Variants in LPAR1 observed in about 807,000 individuals in gnomAD.
LPAR1 encodes the protein LPA receptor 1.
A neutral mutation model predicts 23.8 loss-of-function variants in LPAR1; 5 were observed. The ratio of observed to expected loss-of-function variants is 0.21; its 90% CI spans 0.11 to 0.44. The LOEUF (loss-of-function observed/expected upper bound fraction) is 0.44. LPAR1 is among the 20% of genes least tolerant of loss of function. LPAR1 has a pLI of 0.99. For synonymous variants in LPAR1, 160 were observed against 164.7 expected (o/e 0.97, Z 0.22); for missense variants, 311 against 482.8 (o/e 0.64, Z 3.33).
At chr9:111,000,948 G>GC (rs1350396657) in intron 2 of LPAR1, among the ~76,000 whole-genome samples, 1 of 152,078 alleles carries the variant, frequency 6.6e-6, no homozygotes, top group Non-Finnish European at 1.5e-5. Context: ...CCTTAAGACA[G>GC]CTGGTACACT....
intron 5 of LPAR1, among the ~76,000 whole-genome samples, chr9:110,905,957 G>A (rs1328902268): frequency 6.6e-6 from 1 of 152,134 alleles, no homozygotes; most frequent in African/African-American, 2.4e-5. Context: ...AGAACCACAT[G>A]AATTTCTGTA....
intron 4 of LPAR1, among the ~76,000 whole-genome samples, chr9:110,966,134 G>A (rs911897790): frequency 1.1e-4 from 16 of 152,052 alleles, no homozygotes; most frequent in African/African-American, 3.9e-4. Context: ...TGGGAGTGGG[G>A]GAAAAGGGGA....
intron 4 of LPAR1, among the ~76,000 whole-genome samples, chr9:110,953,933 C>T (rs531757604): frequency 8.5e-5 from 13 of 152,060 alleles, no homozygotes; most frequent in East Asian, 7.7e-4. Context: ...CAAAAGAGCA[C>T]AATAATTCTT....
At position 110,941,233 on chromosome 9, in the gene LPAR1, C is replaced by T. The variant is rs151180638; in HGVS notation, c.793+188G>A. On this transcript the variant is annotated intron_variant, in intron 5 of 5. Transcript: ENST00000683809. This position sits in a 1 kb window ranked among gnomAD's most constrained non-coding sequence, Gnocchi z 6.1. ...ACCACTGGGACCCATGTTTCCCTAA[C>T]GCTAATTCTATAATTTTAGGAAGAC... Among the ~76,000 whole-genome samples, 20 of 152,236 alleles carry T rather than the reference C, an allele frequency of 1.3e-4. No individual in the cohort carries two copies. Among genetic ancestry groups the T allele is most frequent in the African/African-American group, 4.1e-4 (17 of 41,540 alleles).
intron 2 of LPAR1, among the ~76,000 whole-genome samples, chr9:110,999,041 C>T (rs549667698): frequency 2.3e-4 from 35 of 152,266 alleles, no homozygotes; most frequent in South Asian, 1.2e-3. Flanking sequence ...TTAAAATCTT[C>T]GTGATCAGTC....
At chr9:111,023,317 C>T (rs532839652) in intron 2 of LPAR1, among the ~76,000 whole-genome samples, 39 of 152,242 alleles carry the variant, frequency 2.6e-4, no homozygotes, top group Non-Finnish European at 5.1e-4. Context: ...CTATTTCTTC[C>T]ATGACTCTGC....
At chr9:111,005,025 G>A (rs2097188354) in intron 2 of LPAR1, among the ~76,000 whole-genome samples, 1 of 151,942 alleles carries the variant, frequency 6.6e-6, no homozygotes, top group Admixed American at 6.6e-5. Context: ...AGCTGGGTGT[G>A]ATGGCGTGTG....
chr9:110,956,737 C>A (rs948203776), intron 4 of LPAR1, among the ~76,000 whole-genome samples: 5 of 151,896 alleles, frequency 3.3e-5, no homozygotes, highest in African/African-American at 1.2e-4. Context: ...AAGATTGAAT[C>A]AAAAAGTGGA....
chr9:110,973,803 T>C (rs1046130823), intron 2 of LPAR1, among the ~76,000 whole-genome samples: 1 of 152,162 alleles, frequency 6.6e-6, no homozygotes, highest in Non-Finnish European at 1.5e-5. Context: ...TTTTAAAAAT[T>C]CGTTTATTTT....
chr9:111,023,895 A>G (rs574851547), intron 2 of LPAR1, among the ~76,000 whole-genome samples: 1 of 152,364 alleles, frequency 6.6e-6, no homozygotes, highest in South Asian at 2.1e-4. Context: ...ATTTCTAACT[A>G]TGGGTCATGA....
At chr9:110,991,073 A>C (rs2139634516) in intron 2 of LPAR1, among the ~76,000 whole-genome samples, 1 of 152,328 alleles carries the variant, frequency 6.6e-6, no homozygotes, top group South Asian at 2.1e-4. Context: ...CATATACAAA[A>C]ATTAACTGAA....
At chr9:110,885,355 C>A (rs1034918336) in intron 5 of LPAR1, among the ~76,000 whole-genome samples, 2 of 152,156 alleles carry the variant, frequency 1.3e-5, no homozygotes, top group Admixed American at 1.3e-4. Context: ...AAAGAACTGC[C>A]ACCAAAGTCA....
intron 5 of LPAR1, among the ~76,000 whole-genome samples, chr9:110,920,707 G>T (rs961910736): frequency 9.2e-5 from 14 of 152,104 alleles, no homozygotes; most frequent in African/African-American, 3.4e-4. Flanking sequence ...AGTAATTCAC[G>T]TCATCTCTCT....
intron 5 of LPAR1, among the ~76,000 whole-genome samples, chr9:110,906,042 T>G (rs749598481): frequency 2.6e-5 from 4 of 152,194 alleles, no homozygotes; most frequent in Non-Finnish European, 5.9e-5. Flanking sequence ...TGTCAGAAAC[T>G]TTACCATAGG....
intron 2 of LPAR1, among the ~76,000 whole-genome samples, chr9:110,979,291 A>G (rs2096621020): frequency 6.6e-6 from 1 of 152,052 alleles, no homozygotes. Flanking sequence ...TGTGCCCAAA[A>G]TGTAGAGTTA....
intron 2 of LPAR1, among the ~76,000 whole-genome samples, chr9:110,996,043 T>G (rs547227814): frequency 2.6e-5 from 4 of 152,062 alleles, no homozygotes; most frequent in Non-Finnish European, 5.9e-5. Flanking sequence ...AGACATGACC[T>G]AAAAACCAAC....
intron 5 of LPAR1, among the ~76,000 whole-genome samples, chr9:110,896,591 G>T (rs923369284): frequency 5.9e-5 from 9 of 151,888 alleles, no homozygotes; most frequent in African/African-American, 2.2e-4. Context: ...ACTTAAGTAG[G>T]CAAGAAAAAC....
intron 2 of LPAR1, among the ~76,000 whole-genome samples, chr9:111,027,035 G>C (rs1382683179): frequency 6.6e-6 from 1 of 152,088 alleles, no homozygotes; most frequent in African/African-American, 2.4e-5. Flanking sequence ...GATGATGCTG[G>C]CCTCATAAAA....
intron 2 of LPAR1, among the ~76,000 whole-genome samples, chr9:110,986,890 G>A (rs558713067): frequency 2.7e-4 from 41 of 152,252 alleles, no homozygotes; most frequent in Non-Finnish European, 5.4e-4. Flanking sequence ...GAATGATTGT[G>A]ATTTAAAACT....
Sources: allele counts gnomAD v4.1 joint callset (sites outside exome capture counted in the v4.1 genomes callset), GRCh38; gene constraint gnomAD v4.1.1; non-coding constraint Gnocchi (gnomAD v3.1); transcripts MANE v1.5; gene names NCBI Gene and HGNC (gene_info 2026-07-23, HGNC 2026-07-21).